RNF17: variants seen among roughly 807,000 people sequenced by gnomAD.
RNF17 encodes ring finger protein 17.
A neutral mutation model predicts 200.5 loss-of-function variants in RNF17; 31 were observed. That is an observed-to-expected ratio of 0.15 (90% CI 0.12 to 0.21). RNF17 has a LOEUF of 0.21. Among genes scored for constraint, RNF17 ranks in the 10% least tolerant of loss-of-function variants. The probability of loss-of-function intolerance (pLI) is 1.00; values close to 1 mark genes in which losing one functional copy is unlikely to be tolerated. For missense variants in RNF17, 1,628 were observed against 1,905.1 expected (o/e 0.85, Z 2.71); for synonymous variants, 606 against 637.8 (o/e 0.95, Z 0.75).
chr13:24,756,828 C>T, the RNF17 span, among the ~76,000 whole-genome samples: 1 of 152,194 alleles, frequency 6.6e-6, no homozygotes, highest in Non-Finnish European at 1.5e-5. Flanking sequence ...CCATTCCCTT[C>T]ATTTTTGCAG....
At chr13:24,749,307 C>CTTTTCTTT in the RNF17 span, among the ~76,000 whole-genome samples, 3 of 108,032 alleles carry the variant, frequency 2.8e-5, no homozygotes, top group African/African-American at 1.0e-4. Context: ...TTCTTTCTTT[C>CTTTTCTTT]TTTTTTTTTT....
At chr13:24,861,972 G>A (rs960363194) in intron 27 of RNF17, among the ~76,000 whole-genome samples, 1 of 152,160 alleles carries the variant, frequency 6.6e-6, no homozygotes, top group Admixed American at 6.5e-5. Flanking sequence ...GGTGGACGGC[G>A]AAAGAGAAGC....
At chr13:24,793,771 T>G (rs555771824) in intron 10 of RNF17, among the ~76,000 whole-genome samples, 30 of 150,958 alleles carry the variant, frequency 2.0e-4, no homozygotes, top group Non-Finnish European at 2.8e-4. Flanking sequence ...TTTATGACAT[T>G]TAAATGTATC....
chr13:24,767,793 C>T (rs1394111925), intron 2 of RNF17, among the ~76,000 whole-genome samples: 3 of 150,642 alleles, frequency 2.0e-5, no homozygotes, highest in Non-Finnish European at 3.0e-5. Flanking sequence ...GCTGCTGAAT[C>T]TTTAAGCAAA....
rs1884098151 is a variant in RNF17 at position 24,793,173 on chromosome 13, A to T, written c.1067A>T (p.Glu356Val). The change falls in exon 10 of 36, where the codon GAA becomes GTA. Residue 356 changes from glutamate to valine, a missense_variant. This residue lies in a region of RNF17 where 502 missense variants were observed against 501.7 expected (regional missense o/e 1.00). Transcript: ENST00000255324. The stretch of plus-strand genomic sequence containing the variant: ...GTTGACATGTCTGTCCTAACCAGTG[A>T]AGCACCACCACCTCCTTTGCAACCT... ...KKVDMSVLTS[E>V]APPPPLQPET... 6.2e-7 allele frequency: 1 copy of T among 1,614,104 alleles called. No individual in the cohort carries two copies. The highest frequency in any genetic ancestry group is 8.5e-7 in the Non-Finnish European group (1 of 1,179,968).
At chr13:24,800,901 C>T (rs778860567) in intron 13 of RNF17, among the ~76,000 whole-genome samples, 9 of 152,134 alleles carry the variant, frequency 5.9e-5, no homozygotes, top group Middle Eastern at 3.4e-3. Flanking sequence ...TTGCATTCTG[C>T]GTTTTGTATT....
At chr13:24,815,916 A>C (rs1046662675) in intron 15 of RNF17, among the ~76,000 whole-genome samples, 7 of 152,030 alleles carry the variant, frequency 4.6e-5, no homozygotes, top group African/African-American at 1.5e-4. Context: ...TTGTTTGGAG[A>C]CAGGGTCTCC....
intron 12 of RNF17, among the ~76,000 whole-genome samples, chr13:24,800,136 G>A (rs754129526): frequency 2.7e-4 from 41 of 151,244 alleles, no homozygotes; most frequent in Non-Finnish European, 3.1e-4. Context: ...AACTGCATGA[G>A]TATGTGAAAG....
At chr13:24,836,772 A>G (rs541693308) in intron 18 of RNF17, among the ~76,000 whole-genome samples, 67 of 151,466 alleles carry the variant, frequency 4.4e-4, no homozygotes, top group African/African-American at 9.0e-4. Context: ...CAGAGCATAA[A>G]TCACACCAGA....
chr13:24,760,098 G>A (rs1245697678), upstream of RNF17, among the ~76,000 whole-genome samples: 2 of 152,064 alleles, frequency 1.3e-5, no homozygotes, highest in Non-Finnish European at 2.9e-5. Flanking sequence ...CTGAGATCAC[G>A]CCACTGCACG....
chr13:24,794,072 A>G (rs778398987), intron 10 of RNF17: 25 of 379,664 alleles, frequency 6.6e-5, no homozygotes, highest in Middle Eastern at 8.2e-4. Flanking sequence ...TGTTTTGCCA[A>G]TTTCAGTACA....
intron 15 of RNF17, among the ~76,000 whole-genome samples, chr13:24,819,025 T>C (rs887720690): frequency 6.6e-6 from 1 of 152,116 alleles, no homozygotes; most frequent in Non-Finnish European, 1.5e-5. Context: ...TTTTTTAAAA[T>C]CTCTTTTGTA....
upstream of RNF17, among the ~76,000 whole-genome samples, chr13:24,761,198 C>T (rs1878710903): frequency 6.6e-6 from 1 of 152,080 alleles, no homozygotes; most frequent in Non-Finnish European, 1.5e-5. Context: ...ATTAATCCCA[C>T]TCTTATGGTG....
chr13:24,868,803 A>C, intron 31 of RNF17, 87 bp downstream of exon 31: 5 of 741,170 alleles, frequency 6.7e-6, no homozygotes, highest in Non-Finnish European at 1.2e-5. Flanking sequence ...TCACTTCTCT[A>C]TTTTCCTGAT....
chr13:24,861,738 C>T (rs1291948142), intron 27 of RNF17, among the ~76,000 whole-genome samples: 1 of 152,084 alleles, frequency 6.6e-6, no homozygotes, highest in East Asian at 1.9e-4. Flanking sequence ...TAAGCTGAGA[C>T]TTAGTGGTCT....
downstream of RNF17, chr13:24,882,226 C>CTA (rs1418534770): frequency 9.6e-6 from 1 of 104,120 alleles, no homozygotes; most frequent in African/African-American, 3.2e-5. Context: ...ATAGATACAT[C>CTA]TATATAGATA....
intron 18 of RNF17, among the ~76,000 whole-genome samples, chr13:24,832,323 G>C (rs555320345): frequency 2.2e-4 from 34 of 152,140 alleles, no homozygotes; most frequent in Admixed American, 6.5e-4. Flanking sequence ...GGGGAGGTGG[G>C]ACATGATTGG....
chr13:24,751,214 G>A, the RNF17 span: 1 of 151,720 alleles, frequency 6.6e-6, no homozygotes, highest in Admixed American at 6.6e-5. Flanking sequence ...AATTGCTGAT[G>A]GTAAGTTTTC....
chr13:24,828,011 T>C (rs1888936993), intron 16 of RNF17, among the ~76,000 whole-genome samples: 1 of 152,194 alleles, frequency 6.6e-6, no homozygotes, highest in Non-Finnish European at 1.5e-5. Flanking sequence ...AGTTTCAACA[T>C]GAATTTTGAG....
Sources: allele counts gnomAD v4.1 joint callset (sites outside exome capture counted in the v4.1 genomes callset), GRCh38; gene constraint gnomAD v4.1.1; regional missense constraint gnomAD v4.1.1; transcripts MANE v1.5; gene names NCBI Gene and HGNC (gene_info 2026-07-23, HGNC 2026-07-21).